KDM4B: variants seen among roughly 807,000 people sequenced by gnomAD.
KDM4B encodes the protein lysine-specific demethylase 4B.
In KDM4B, 32 loss-of-function variants were observed where a neutral mutation model predicts 125.2. That is an observed-to-expected ratio of 0.26 (90% CI 0.19 to 0.34). The LOEUF is 0.34. Ranked by LOEUF, KDM4B falls within the 10% of genes least tolerant of loss-of-function variation. The probability of loss-of-function intolerance (pLI) is 1.00; values close to 1 mark genes in which losing one functional copy is unlikely to be tolerated. For missense variants in KDM4B, 1,190 were observed against 1,577.7 expected, an observed-to-expected ratio of 0.75 and a Z score of 4.16; for synonymous variants, 721 against 677.9, an observed-to-expected ratio of 1.06 and a Z score of -0.99.
intron 1 of KDM4B, among the ~76,000 whole-genome samples, chr19:5,006,187 C>T (rs2035553315): frequency 6.6e-6 from 1 of 152,094 alleles, no homozygotes; most frequent in Non-Finnish European, 1.5e-5. Flanking sequence ...GCCTGGCTCC[C>T]CGCAGCCTCT....
chr19:4,985,686 G>A (rs2034803503), intron 1 of KDM4B, among the ~76,000 whole-genome samples: 1 of 152,252 alleles, frequency 6.6e-6, no homozygotes, highest in African/African-American at 2.4e-5. Context: ...GGGGCCGAAT[G>A]TGCAGTGGAA....
intron 7 of KDM4B, chr19:5,074,869 C>T (rs1453031088): frequency 6.6e-6 from 1 of 152,462 alleles, no homozygotes; most frequent in African/African-American, 2.4e-5. Flanking sequence ...GTGCAGGCTT[C>T]TAGAAGGGCC....
rs959325457 is a variant in KDM4B at position 5,114,766 on chromosome 19, T to G, written c.1115+3948T>G. 6.6e-6 allele frequency among the ~76,000 whole-genome samples: 1 copy of G among 152,202 alleles called. No homozygotes were observed. Among genetic ancestry groups the G allele is most frequent in the Non-Finnish European group, 1.5e-5 (1 of 68,026 alleles). On this transcript the variant is annotated intron_variant, in intron 10 of 22. Coordinates refer to ENST00000159111, the MANE Select transcript of KDM4B (RefSeq NM_015015.3). This position sits in a 1 kb window ranked among gnomAD's most constrained non-coding sequence, Gnocchi z 5.8. ...CCTGAGCCAGCGCGGCACTGAATGC[T>G]GATGGTCCCACTCTGGGTGCTGCAG...
chr19:5,149,030 G>A (rs932143900), intron 21 of KDM4B, among the ~76,000 whole-genome samples: 3 of 152,198 alleles, frequency 2.0e-5, no homozygotes, highest in Admixed American at 6.5e-5. Flanking sequence ...TTCTCCCGCC[G>A]CCTGCGCCGG....
rs936915532 is a variant in KDM4B at position 5,141,444 on chromosome 19, A to G, written c.2551-2523A>G. On this transcript the variant is annotated intron_variant, in intron 18 of 22. Transcript: ENST00000159111. The surrounding 1 kb of genome is among the most constrained non-coding windows in gnomAD (Gnocchi z 6.4). ...GCCTTATGGATCATCTGACATTTCC[A>G]GAACGCAGCCTCTTCATTACCGGTG... 2 of 152,208 alleles carry G rather than the reference A, an allele frequency of 1.3e-5. No homozygotes were observed. The highest frequency in any genetic ancestry group is 4.8e-5 in the African/African-American group (2 of 41,430). 9.4% of individuals were successfully genotyped at this position (152,208 alleles called of 1,614,324 possible).
intron 3 of KDM4B, among the ~76,000 whole-genome samples, chr19:5,039,486 GTC>G (rs2036734885): frequency 6.6e-6 from 1 of 152,094 alleles, no homozygotes; most frequent in African/African-American, 2.4e-5. Flanking sequence ...CAAAATACGA[GTC>G]TCTGAGCCTC....
rs1363657639 is a variant in KDM4B, at chr19:5,099,101, G to T, written c.919-11521G>T. ...TAGAACAACCTCCGGTTCCAGTAGT[G>T]CTGGGCACACACTGGGTAGCAGTGG... On this transcript the variant is annotated intron_variant, in intron 9 of 22. Coordinates refer to ENST00000159111, the MANE Select transcript of KDM4B (RefSeq NM_015015.3). Among the ~76,000 whole-genome samples, 8 of 152,210 alleles carry T rather than the reference G, an allele frequency of 5.3e-5. No individual in the cohort carries two copies. In the East Asian group the frequency reaches 1.5e-3, roughly 29 times the overall value.
chr19:5,100,895 T>G (rs186562303), intron 9 of KDM4B, among the ~76,000 whole-genome samples: 1 of 152,174 alleles, frequency 6.6e-6, no homozygotes, highest in Non-Finnish European at 1.5e-5. Context: ...TCTGAGGATA[T>G]TGATTGACGA....
chr19:5,109,099 C>A (rs559327507), intron 9 of KDM4B, among the ~76,000 whole-genome samples: 8 of 152,356 alleles, frequency 5.3e-5, no homozygotes, highest in African/African-American at 1.9e-4. Context: ...ATGTGCCCAT[C>A]ATCCGTGATG....
In KDM4B at chr19:5,110,694, G is replaced by A. The variant is rs1326604534; in HGVS notation, c.991G>A (p.Glu331Lys). The change falls in exon 10 of 23, where the codon GAG (glutamate) becomes AAG (lysine). Residue 331 changes from glutamate (E) to lysine (K), a missense_variant. This residue lies in a region of KDM4B where 428 missense variants were observed against 405.1 expected (regional missense o/e 1.06). Transcript: ENST00000159111. Reference sequence around the variant, plus strand: ...GCGCATCCTGCAGCCCGAGCGCTACGAGCTGTGGAAGCAGGGCAAGGACCT... The same window carrying A: ...GCGCATCCTGCAGCCCGAGCGCTACAAGCTGTGGAAGCAGGGCAAGGACCT... The part of the protein sequence containing the change: ...FVRILQPERY[E>K]LWKQGKDLTV... The A allele has an allele frequency of 1.9e-6, 3 of 1,612,990 alleles. No homozygotes were observed. Among genetic ancestry groups the A allele is most frequent in the Non-Finnish European group, 2.5e-6 (3 of 1,179,876 alleles).
chr19:5,033,447 G>T (rs1429585392), intron 3 of KDM4B, among the ~76,000 whole-genome samples: 2 of 152,142 alleles, frequency 1.3e-5, no homozygotes, highest in Admixed American at 1.3e-4. Flanking sequence ...GGGTATGGTG[G>T]TGCATGCCTG....
chr19:5,061,757 T>C (rs950409475), intron 6 of KDM4B, among the ~76,000 whole-genome samples: 3 of 151,074 alleles, frequency 2.0e-5, no homozygotes, highest in Non-Finnish European at 4.4e-5. Context: ...ATCTTTTAGC[T>C]ACATGGGAGG....
In KDM4B at chr19:5,121,287, C is replaced by T. The variant is rs545835176; in HGVS notation, c.1315+1435C>T. 3.9e-5 allele frequency among the ~76,000 whole-genome samples: 6 copies of T among 152,280 alleles called. No homozygotes were observed. The East Asian group carries it at 7.7e-4, about 20-fold the overall frequency. ...GTTTGCCCCTGACGGACCACTTACT[C>T]GGTGGGGTACGTGGGCCCTGCGTCT... On this transcript the variant is annotated intron_variant, in intron 11 of 22. Coordinates refer to ENST00000159111, the MANE Select transcript of KDM4B (RefSeq NM_015015.3).
intron 6 of KDM4B, among the ~76,000 whole-genome samples, chr19:5,055,797 A>G (rs2037377221): frequency 6.6e-6 from 1 of 152,170 alleles, no homozygotes; most frequent in South Asian, 2.1e-4. Flanking sequence ...CTCTCTTTAA[A>G]TAGGTCTTTA....
intron 2 of KDM4B, among the ~76,000 whole-genome samples, chr19:5,016,895 C>A (rs2035909148): frequency 6.6e-6 from 1 of 152,172 alleles, no homozygotes; most frequent in South Asian, 2.1e-4. Context: ...CCCAGGGGGA[C>A]CACTCAGGAG....
rs1199150734 is a variant in KDM4B, at chr19:5,034,633, TCCTGCCTTTCCGGGCCG to T, written c.141+1606_141+1622del. On this transcript the variant is annotated intron_variant, in intron 3 of 22. Transcript: ENST00000159111. ...CCGCAGTTTGCTGAGCGCTGAGGCCTCCTGCCTTTCCGGGCCGCCTCCACCCTGCCCCTCCCTCCACT... is the reference window on the plus strand; with the variant it reads ...CCGCAGTTTGCTGAGCGCTGAGGCCTCCTCCACCCTGCCCCTCCCTCCACT... 1.1e-4 allele frequency among the ~76,000 whole-genome samples: 17 copies of T among 152,358 alleles called. No individual in the cohort carries two copies. The South Asian group carries it at 3.3e-3, about 30-fold the overall frequency.
At chr19:5,104,205 C>CA (rs1370405809) in intron 9 of KDM4B, among the ~76,000 whole-genome samples, 1 of 152,186 alleles carries the variant, frequency 6.6e-6, no homozygotes, top group African/African-American at 2.4e-5. Context: ...GCAGGACGAG[C>CA]AGGCGTGCCA....
chr19:5,094,302 C>T (rs1018427293), intron 9 of KDM4B, among the ~76,000 whole-genome samples: 3 of 152,218 alleles, frequency 2.0e-5, no homozygotes, highest in East Asian at 1.9e-4. Context: ...CTGAGTAGCG[C>T]GGGGAACAGC....
rs1175018085 is a variant in KDM4B, at chr19:5,137,463, G to A, written c.2385+125G>A. On this transcript the variant is annotated intron_variant, in intron 16 of 22. Transcript: ENST00000159111. ...CTGGGTTCCTTCACCTCTGCCCTGA[G>A]GGGGTGGAACCCAAGGGATTCCCAC... 3 of 1,212,218 alleles carry A rather than the reference G, an allele frequency of 2.5e-6. No individual in the cohort carries two copies. In the African/African-American group the frequency reaches 4.5e-5, roughly 18 times the overall value. 75.1% of individuals were successfully genotyped at this position (1,212,218 alleles called of 1,614,324 possible). A position where few individuals can be genotyped will look rare whatever the true frequency, so the allele number is the denominator to read the frequency against.
Sources: gnomAD v4.1 joint callset for allele counts (sites outside exome capture counted in the v4.1 genomes callset) on GRCh38, gnomAD v4.1.1 for gene constraint, gnomAD v4.1.1 regional missense constraint, Gnocchi (gnomAD v3.1) non-coding constraint, MANE v1.5 for transcripts, NCBI Gene and HGNC (gene_info 2026-07-23, HGNC 2026-07-21) for gene names.